The following CRACD variants were observed in gnomAD, a reference collection of about 807,000 sequenced individuals.
CRACD encodes the protein capping protein inhibiting regulator of actin dynamics.
CRACD carries 56 observed loss-of-function variants against 106.8 expected under a neutral mutation model. The ratio of observed to expected loss-of-function variants is 0.52; its 90% CI spans 0.42 to 0.66. The LOEUF (loss-of-function observed/expected upper bound fraction) is 0.66. CRACD is among the 30% of genes least tolerant of loss of function. The pLI, the probability that CRACD is intolerant of heterozygous loss-of-function variation, is 0.00. For synonymous variants in CRACD, 754 were observed against 670.8 expected (o/e 1.12, Z -1.92); for missense variants, 1,730 against 1,623.2 (o/e 1.07, Z -1.13).
intron 1 of CRACD, among the ~76,000 whole-genome samples, chr4:56,173,288 G>T (rs978276738): frequency 1.3e-5 from 2 of 152,124 alleles, no homozygotes; most frequent in Non-Finnish European, 1.5e-5. Context: ...CCTCATTCTT[G>T]CTGATTTTGT....
intron 2 of CRACD, among the ~76,000 whole-genome samples, chr4:56,251,264 T>C (rs1484678547): frequency 1.3e-5 from 2 of 152,214 alleles, no homozygotes; most frequent in Admixed American, 1.3e-4. Flanking sequence ...GCCTGGTTTC[T>C]TCACTCATTT....
At position 56,315,748 on chromosome 4, in the gene CRACD, C is replaced by G. The variant is rs1745585690; in HGVS notation, c.2246C>G (p.Pro749Arg). Residue 749 changes from proline to arginine, a missense_variant, in exon 8 of 11, where the codon CCC becomes CGC. This residue lies in a region of CRACD where 1,620 missense variants were observed against 1,481.6 expected (regional missense o/e 1.09). Coordinates refer to ENST00000682029, the MANE Select transcript of CRACD (RefSeq NM_001393381.1). This position sits in a 1 kb window ranked among gnomAD's most constrained non-coding sequence, Gnocchi z 4.1. Reference protein sequence around the residue: ...STEAESIRKRPMLGPSEETAP... With the variant: ...STEAESIRKRRMLGPSEETAP... ...GAAGCTGAAAGCATACGAAAAAGAC[C>G]CATGCTGGGACCCAGCGAAGAGACA... The G allele has an allele frequency of 1.9e-6, 3 of 1,614,132 alleles. No individual in the cohort carries two copies. The highest frequency in any genetic ancestry group is 2.2e-5 in the South Asian group (2 of 91,096).
intron 2 of CRACD, among the ~76,000 whole-genome samples, chr4:56,265,794 A>AG (rs1470498577): frequency 6.6e-6 from 1 of 152,232 alleles, no homozygotes; most frequent in Non-Finnish European, 1.5e-5. Flanking sequence ...GATGCTTAAA[A>AG]GGGACTATCA....
chr4:56,123,271 C>A (rs745985257), intron 1 of CRACD, among the ~76,000 whole-genome samples: 2 of 152,116 alleles, frequency 1.3e-5, no homozygotes, highest in Non-Finnish European at 2.9e-5. Flanking sequence ...ATAGTCTGGG[C>A]GATTTAAACA....
At chr4:56,241,879 C>A (rs1740387521) in intron 2 of CRACD, among the ~76,000 whole-genome samples, 1 of 152,114 alleles carries the variant, frequency 6.6e-6, no homozygotes, top group Admixed American at 6.6e-5. Flanking sequence ...TGTACATGGC[C>A]TCACGTGAGC....
intron 1 of CRACD, among the ~76,000 whole-genome samples, chr4:56,148,904 C>T (rs542303651): frequency 6.6e-6 from 1 of 151,934 alleles, no homozygotes; most frequent in South Asian, 2.1e-4. Flanking sequence ...CAACTGCCGC[C>T]TCCCAGGTTC....
chr4:56,303,788 G>T (rs564648202), intron 4 of CRACD, among the ~76,000 whole-genome samples: 1 of 152,308 alleles, frequency 6.6e-6, no homozygotes, highest in East Asian at 1.9e-4. Context: ...CCCTGGCCTG[G>T]GTCCACTGTC....
intron 2 of CRACD, among the ~76,000 whole-genome samples, chr4:56,220,977 C>T (rs1739000019): frequency 1.3e-5 from 2 of 152,176 alleles, no homozygotes; most frequent in Middle Eastern, 3.4e-3. Flanking sequence ...GAATCATGTA[C>T]AAAGAAAGCA....
intron 3 of CRACD, among the ~76,000 whole-genome samples, chr4:56,291,951 G>T (rs1454594251): frequency 6.6e-6 from 1 of 152,208 alleles, no homozygotes; most frequent in Non-Finnish European, 1.5e-5. Context: ...ACAGGCAAAG[G>T]TTGGAAGAGT....
At chr4:56,226,833 C>CCTCT (rs1256191574) in intron 2 of CRACD, among the ~76,000 whole-genome samples, 1 of 149,946 alleles carries the variant, frequency 6.7e-6, no homozygotes. Context: ...CTCCTTCACA[C>CCTCT]CTCTCTCTCT....
At position 56,298,223 on chromosome 4, in the gene CRACD, C is replaced by A; in HGVS notation, c.-7C>A. 1 of 1,613,354 alleles carries A rather than the reference C, an allele frequency of 6.2e-7. No homozygotes were observed. The highest frequency in any genetic ancestry group is 8.5e-7 in the Non-Finnish European group (1 of 1,179,748). On this transcript the variant is annotated 5_prime_UTR_variant, in exon 4 of 11. Coordinates refer to ENST00000682029, the MANE Select transcript of CRACD (RefSeq NM_001393381.1). ...ATGATTTACCTTCCAGGTCCTTCAA[C>A]TATTCTATGGGAACCCGGGCATTTT...
chr4:56,251,594 C>T (rs574841655), intron 2 of CRACD, among the ~76,000 whole-genome samples: 1 of 152,222 alleles, frequency 6.6e-6, no homozygotes, highest in South Asian at 2.1e-4. Context: ...TTTAATGAAG[C>T]GTTCTTTTTT....
intron 1 of CRACD, among the ~76,000 whole-genome samples, chr4:56,133,287 C>T (rs939978335): frequency 7.2e-5 from 11 of 152,164 alleles, no homozygotes; most frequent in Admixed American, 5.9e-4. Flanking sequence ...AAAACTCCAA[C>T]GGGCAATGTG....
intron 3 of CRACD, among the ~76,000 whole-genome samples, chr4:56,291,316 C>T (rs1323927457): frequency 1.3e-5 from 2 of 152,124 alleles, no homozygotes; most frequent in East Asian, 1.9e-4. Flanking sequence ...TAAAGAAGTC[C>T]GGACGAACTC....
intron 10 of CRACD, among the ~76,000 whole-genome samples, chr4:56,325,350 T>C: frequency 6.6e-6 from 1 of 152,078 alleles, no homozygotes; most frequent in Non-Finnish European, 1.5e-5. Flanking sequence ...ACAGAAAAGA[T>C]AAATGTGTAA....
chr4:56,237,637 T>C (rs570796144), intron 2 of CRACD, among the ~76,000 whole-genome samples: 3 of 152,142 alleles, frequency 2.0e-5, no homozygotes, highest in South Asian at 2.1e-4. Context: ...AAGAATGCCA[T>C]GTAACCATAT....
chr4:56,276,429 C>T (rs896497203), intron 3 of CRACD, among the ~76,000 whole-genome samples: 11 of 152,062 alleles, frequency 7.2e-5, no homozygotes, highest in Non-Finnish European at 1.2e-4. Context: ...TTCCTTTGAC[C>T]GTAGACCCTT....
At chr4:56,218,433 C>CT (rs1738837768) in intron 2 of CRACD, among the ~76,000 whole-genome samples, 1 of 104,794 alleles carries the variant, frequency 9.5e-6, no homozygotes, top group Non-Finnish European at 2.5e-5. Context: ...CTCCCTTCCC[C>CT]TCCCTTTCCA....
rs373931577 is a variant in CRACD, at chr4:56,314,279, G to T, written c.777G>T (p.Arg259Ser). 5.1e-6 allele frequency: 8 copies of T among 1,559,464 alleles called. No homozygotes were observed. The highest frequency in any genetic ancestry group is 7.0e-6 in the Non-Finnish European group (8 of 1,151,054). Reference sequence around the variant, plus strand: ...AGAGGCTGCAGGCGCTGGAGAGGAGGCTTTGGGAAGAGAACAGAAGGCAGG... The same window carrying T: ...AGAGGCTGCAGGCGCTGGAGAGGAGTCTTTGGGAAGAGAACAGAAGGCAGG... ...EEQRLQALER[R>S]LWEENRRQEL... Residue 259 changes from arginine to serine, a missense_variant, in exon 8 of 11, where the codon AGG becomes AGT. Transcript: ENST00000682029. The surrounding 1 kb of genome is among the most constrained non-coding windows in gnomAD (Gnocchi z 4.4).
Sources: allele counts gnomAD v4.1 joint callset (sites outside exome capture counted in the v4.1 genomes callset), GRCh38; gene constraint gnomAD v4.1.1; regional missense constraint gnomAD v4.1.1; non-coding constraint Gnocchi (gnomAD v3.1); transcripts MANE v1.5; gene names NCBI Gene and HGNC (gene_info 2026-07-23, HGNC 2026-07-21).